The following PHF21B variants were observed in gnomAD, a reference collection of about 807,000 sequenced individuals.
PHF21B encodes the protein PHD finger protein 4.
PHF21B carries 22 observed loss-of-function variants against 62.2 expected under a neutral mutation model. The ratio of observed to expected loss-of-function variants is 0.35; its 90% CI spans 0.25 to 0.51. The LOEUF (loss-of-function observed/expected upper bound fraction) is 0.51, where lower values mean the gene tolerates loss of function less well. Among genes scored for constraint, PHF21B ranks in the 20% least tolerant of loss-of-function variants. PHF21B has a pLI of 0.97. For synonymous variants in PHF21B, 341 were observed against 314.7 expected (o/e 1.08, Z -0.88); for missense variants, 701 against 707.9 (o/e 0.99, Z 0.11).
intron 2 of PHF21B, among the ~76,000 whole-genome samples, chr22:44,984,368 G>A (rs1191968164): frequency 6.6e-6 from 1 of 151,702 alleles, no homozygotes; most frequent in Non-Finnish European, 1.5e-5. Flanking sequence ...TGGTCAGGTG[G>A]CCAGGGAAAA....
At chr22:44,952,798 C>A (rs535547409) in intron 2 of PHF21B, among the ~76,000 whole-genome samples, 1 of 152,184 alleles carries the variant, frequency 6.6e-6, no homozygotes, top group African/African-American at 2.4e-5. Context: ...GGTTCAGAGA[C>A]CCTGGCAGCC....
chr22:44,957,653 C>G (rs1270749023), intron 2 of PHF21B, among the ~76,000 whole-genome samples: 1 of 152,124 alleles, frequency 6.6e-6, no homozygotes, highest in Non-Finnish European at 1.5e-5. Context: ...ATTATAAAAC[C>G]CTTTCCTGTG....
Position 44,882,913 on chromosome 22 carries a change from C to A in PHF21B, c.*173G>T, listed in dbSNP as rs578151693. 86 of 779,760 alleles carry A rather than the reference C, an allele frequency of 1.1e-4. No individual in the cohort carries two copies. In the South Asian group the frequency reaches 1.6e-3, roughly 14 times the overall value. 48.3% of individuals were successfully genotyped at this position (779,760 alleles called of 1,614,324 possible). A position where few individuals can be genotyped will look rare whatever the true frequency, so the allele number is the denominator to read the frequency against. ...TTTGGAGGGCACAGGGCCGCACCCC[C>A]ACCTGGTCCTGGCTCTAGGCCTCTC... On this transcript the variant is annotated 3_prime_UTR_variant, in exon 13 of 13. Transcript: ENST00000313237.
chr22:44,941,637 T>C (rs1418807427), intron 2 of PHF21B, among the ~76,000 whole-genome samples: 1 of 152,178 alleles, frequency 6.6e-6, no homozygotes, highest in African/African-American at 2.4e-5. Context: ...AGCAGGGGGA[T>C]GGGGCAGGGG....
At chr22:44,964,494 A>T (rs1601652585) in intron 2 of PHF21B, among the ~76,000 whole-genome samples, 1 of 152,242 alleles carries the variant, frequency 6.6e-6, no homozygotes, top group Non-Finnish European at 1.5e-5. Flanking sequence ...TTCAGCAGCG[A>T]AACAACAGCC....
At position 44,913,841 on chromosome 22, in the gene PHF21B, G is replaced by A. The variant is rs201637082; in HGVS notation, c.812C>T (p.Pro271Leu). 1.2e-5 allele frequency: 20 copies of A among 1,613,198 alleles called. No individual in the cohort carries two copies. Among genetic ancestry groups the A allele is most frequent in the Admixed American group, 5.0e-5 (3 of 59,960 alleles). Reference protein sequence around the residue: ...ATKKKKEDRPPTQENPEKIAF... With the variant: ...ATKKKKEDRPLTQENPEKIAF... ...TCCTACCTCGGGGTTCTCCTGGGTCGGGGGCCGGTCTTCCTTCTTCTTTTT... is the reference window on the plus strand; with the variant it reads ...TCCTACCTCGGGGTTCTCCTGGGTCAGGGGCCGGTCTTCCTTCTTCTTTTT... The change falls in exon 5 of 13, where the codon CCG becomes CTG. Residue 271 changes from proline (P) to leucine (L), a missense_variant. Coordinates refer to ENST00000313237, the MANE Select transcript of PHF21B (RefSeq NM_138415.5).
At chr22:44,980,924 T>C (rs1425442156) in intron 2 of PHF21B, among the ~76,000 whole-genome samples, 3 of 152,222 alleles carry the variant, frequency 2.0e-5, no homozygotes, top group Non-Finnish European at 4.4e-5. Flanking sequence ...ATCGTTTCTG[T>C]CTTGCTGCTA....
intron 3 of PHF21B, among the ~76,000 whole-genome samples, chr22:44,919,582 A>G (rs1409109272): frequency 6.6e-6 from 1 of 152,186 alleles, no homozygotes; most frequent in East Asian, 1.9e-4. Context: ...ACCATCCTTG[A>G]GCTGGGGGAA....
At chr22:44,884,067 A>G (rs1389874631) in intron 12 of PHF21B, among the ~76,000 whole-genome samples, 2 of 148,188 alleles carry the variant, frequency 1.3e-5, no homozygotes, top group African/African-American at 2.5e-5. Flanking sequence ...CACCACCACC[A>G]TGATCACCAT....
chr22:44,955,505 C>T lies in PHF21B; in HGVS notation c.121-35015G>A, dbSNP rs561777122. 1.4e-3 allele frequency among the ~76,000 whole-genome samples: 220 copies of T among 152,264 alleles called. 2 individuals carry two copies. The highest frequency in any genetic ancestry group is 4.4e-3 in the African/African-American group (184 of 41,536). On this transcript the variant is annotated intron_variant, in intron 2 of 12. Coordinates refer to ENST00000313237, the MANE Select transcript of PHF21B (RefSeq NM_138415.5). ...GTAGGTAGACCCAGCAAAGAGAATC[C>T]GCGCCACCAATTCGGGTGGGCATCC...
At chr22:44,964,538 G>A (rs887265509) in intron 2 of PHF21B, among the ~76,000 whole-genome samples, 7 of 152,200 alleles carry the variant, frequency 4.6e-5, no homozygotes, top group African/African-American at 9.7e-5. Flanking sequence ...TACTCACTGC[G>A]GCTCAGCATT....
chr22:45,008,475 T>C lies in PHF21B; in HGVS notation c.120+70A>G, dbSNP rs2073366641. On this transcript the variant is annotated intron_variant, in intron 2 of 12. Transcript: ENST00000313237. ...GTGCGTCGCCCAGGCTGGCACTTTT[T>C]AGGGCGCCGCCAAAGTGCCCAGCCA... 3.5e-5 allele frequency: 50 copies of C among 1,415,802 alleles called. 1 individual carries two copies. In the South Asian group the frequency reaches 6.6e-4, roughly 19 times the overall value. The allele number at this position is 1,415,802 out of a possible 1,614,324, so 87.7% of individuals were successfully genotyped here.
At chr22:44,986,020 GCAC>G (rs990495818) in intron 2 of PHF21B, among the ~76,000 whole-genome samples, 6 of 146,276 alleles carry the variant, frequency 4.1e-5, no homozygotes, top group South Asian at 4.5e-4. Flanking sequence ...ACCAGCAGCA[GCAC>G]CACCATCACC....
intron 6 of PHF21B, 135 bp from the exon 7 acceptor site, chr22:44,893,668 G>T: frequency 1.2e-6 from 1 of 857,126 alleles, no homozygotes; most frequent in Non-Finnish European, 1.8e-6. Flanking sequence ...CCATGCCACA[G>T]AATGGCCCAG....
intron 2 of PHF21B, chr22:44,971,508 G>A (rs539434017): frequency 1.3e-5 from 2 of 152,356 alleles, no homozygotes; most frequent in East Asian, 3.9e-4. Flanking sequence ...GGTGACTTGG[G>A]ACCAATTTCC....
intron 4 of PHF21B, among the ~76,000 whole-genome samples, chr22:44,915,751 C>T (rs559570037): frequency 4.6e-5 from 7 of 152,292 alleles, no homozygotes; most frequent in East Asian, 1.9e-4. Context: ...GAGGCAGCCC[C>T]GAAGGCCTCA....
chr22:44,924,353 A>G (rs12158129), intron 2 of PHF21B, among the ~76,000 whole-genome samples: 10,557 of 152,234 alleles, frequency 0.069, 803 homozygotes, highest in African/African-American at 0.19. Context: ...ATACGCTTTG[A>G]AAGACAGTTT....
chr22:44,946,837 G>A (rs1475053816), intron 2 of PHF21B, among the ~76,000 whole-genome samples: 1 of 152,186 alleles, frequency 6.6e-6, no homozygotes, highest in Non-Finnish European at 1.5e-5. Flanking sequence ...TGTGGCTGGG[G>A]AACCTTTGGT....
chr22:44,906,537 CAT>C (rs1480644449), intron 5 of PHF21B, among the ~76,000 whole-genome samples: 4 of 152,216 alleles, frequency 2.6e-5, no homozygotes, highest in Non-Finnish European at 5.9e-5. Context: ...CAGCCAGACT[CAT>C]TCAGATGCTA....
Sources: gnomAD v4.1 joint callset for allele counts (sites outside exome capture counted in the v4.1 genomes callset) on GRCh38, gnomAD v4.1.1 for gene constraint, MANE v1.5 for transcripts, NCBI Gene and HGNC (gene_info 2026-07-23, HGNC 2026-07-21) for gene names.